Variants in SGCZ observed in about 807,000 individuals in gnomAD.
The protein encoded by SGCZ is zeta-sarcoglycan.
SGCZ carries 40 observed loss-of-function variants against 41.3 expected under a neutral mutation model. That is an observed-to-expected ratio of 0.97 (90% confidence interval 0.75 to 1.26). SGCZ has a LOEUF of 1.26. SGCZ is among the 50% of genes most tolerant of loss of function. SGCZ has a pLI of 0.00. For missense variants in SGCZ, 552 were observed against 369.8 expected (o/e 1.49, Z -4.04); for synonymous variants, 206 against 137.5 (o/e 1.50, Z -3.49).
At chr8:14,452,457 T>G (rs1800622383) in intron 2 of SGCZ, among the ~76,000 whole-genome samples, 1 of 152,022 alleles carries the variant, frequency 6.6e-6, no homozygotes, top group South Asian at 2.1e-4. Flanking sequence ...AACTCCAGCC[T>G]GGGTGACAGA....
At chr8:15,199,373 C>G (rs1173470705) in intron 1 of SGCZ, among the ~76,000 whole-genome samples, 2 of 152,094 alleles carry the variant, frequency 1.3e-5, no homozygotes, top group Non-Finnish European at 2.9e-5. Context: ...AATTTAATCC[C>G]CCATTAAATA....
At chr8:14,865,637 C>T (rs1383835035) in intron 1 of SGCZ, among the ~76,000 whole-genome samples, 1 of 152,110 alleles carries the variant, frequency 6.6e-6, no homozygotes, top group Non-Finnish European at 1.5e-5. Context: ...GATGTGCGCT[C>T]ACTTCAATTA....
intron 1 of SGCZ, among the ~76,000 whole-genome samples, chr8:14,623,580 A>C (rs567516462): frequency 1.3e-5 from 2 of 152,284 alleles, no homozygotes; most frequent in African/African-American, 4.8e-5. Flanking sequence ...TCTATTATTA[A>C]TCTTTCCTTT....
At chr8:14,797,610 C>G (rs1482046875) in intron 1 of SGCZ, among the ~76,000 whole-genome samples, 1 of 152,236 alleles carries the variant, frequency 6.6e-6, no homozygotes, top group Non-Finnish European at 1.5e-5. Flanking sequence ...TTCAAACCTA[C>G]TGCAGAAATT....
intron 1 of SGCZ, among the ~76,000 whole-genome samples, chr8:15,156,057 C>CAAAAAAAAAAAAA (rs67378130): frequency 5.4e-5 from 6 of 110,902 alleles, no homozygotes; most frequent in African/African-American, 1.9e-4. Context: ...GATTCCCTCT[C>CAAAAAAAAAAAAA]AAAAAAAAAA....
chr8:14,283,370 C>T lies in SGCZ; in HGVS notation c.336+40733G>A, dbSNP rs919612728. 5.3e-5 allele frequency among the ~76,000 whole-genome samples: 8 copies of T among 152,270 alleles called. No homozygotes were observed. In the East Asian group the frequency reaches 1.2e-3, roughly 22 times the overall value. ...GCAACTTTCTCAGCATATTACTACA[C>T]GTCCTCTGTAAGAGAATGCAAGAGA... is the stretch of plus-strand genomic sequence containing the variant. On this transcript the variant is annotated intron_variant, in intron 3 of 7. Coordinates refer to ENST00000382080, the MANE Select transcript of SGCZ (RefSeq NM_139167.4).
chr8:14,762,611 C>A (rs564491255), intron 1 of SGCZ, among the ~76,000 whole-genome samples: 1 of 152,114 alleles, frequency 6.6e-6, no homozygotes, highest in Admixed American at 6.6e-5. Context: ...AGCTCTTGGT[C>A]TCATCATAAA....
rs1432955029 is a variant in SGCZ, at chr8:14,548,471, G to A, written c.234+6261C>T. Among the ~76,000 whole-genome samples, 5 of 152,204 alleles carry A rather than the reference G, an allele frequency of 3.3e-5. No individual in the cohort carries two copies. The South Asian group carries it at 8.3e-4, about 25-fold the overall frequency. Reference sequence around the variant, plus strand: ...TGCATATAAAAAACATCCTGATTTAGTTGTGGGTTTTTGAGAAAAATGAAT... The same window carrying A: ...TGCATATAAAAAACATCCTGATTTAATTGTGGGTTTTTGAGAAAAATGAAT... On this transcript the variant is annotated intron_variant, in intron 2 of 7. Transcript: ENST00000382080.
At chr8:14,126,488 C>CAAAAG (rs1802864843) in intron 5 of SGCZ, among the ~76,000 whole-genome samples, 3 of 151,134 alleles carry the variant, frequency 2.0e-5, no homozygotes, top group Admixed American at 1.3e-4. Flanking sequence ...CAAAACAAAA[C>CAAAAG]AAGATGCTAG....
chr8:14,432,756 A>G (rs62499690), intron 2 of SGCZ, among the ~76,000 whole-genome samples: 30,289 of 151,910 alleles, frequency 0.2, 3,709 homozygotes, highest in Non-Finnish European at 0.28. Flanking sequence ...TCTGCTAAAA[A>G]TACAAAAATT....
chr8:14,919,752 T>C (rs1799537110), intron 1 of SGCZ, among the ~76,000 whole-genome samples: 1 of 152,048 alleles, frequency 6.6e-6, no homozygotes, highest in Admixed American at 6.6e-5. Context: ...ACCCCATCTC[T>C]GCTAAAAATA....
rs150026567 is a variant in SGCZ at position 14,429,681 on chromosome 8, C to T, written c.235-105477G>A. The stretch of plus-strand genomic sequence containing the variant: ...AGTCGGCTCTAAAATCAATGACTAG[C>T]GTGGCTAATCGTCCTTAGAAGAAGA... On this transcript the variant is annotated intron_variant, in intron 2 of 7. Coordinates refer to ENST00000382080, the MANE Select transcript of SGCZ (RefSeq NM_139167.4). Among the ~76,000 whole-genome samples the T allele has an allele frequency of 4.9e-3, 745 of 152,180 alleles. 19 individuals carry two copies. The highest frequency in any genetic ancestry group is 2.4e-3 in the Non-Finnish European group (162 of 68,006).
At chr8:14,413,842 G>T (rs924337954) in intron 2 of SGCZ, among the ~76,000 whole-genome samples, 7 of 151,934 alleles carry the variant, frequency 4.6e-5, no homozygotes, top group Non-Finnish European at 8.8e-5. Flanking sequence ...AATCCTAGGA[G>T]AACAGAATCT....
chr8:14,606,103 T>C (rs1020533515), intron 1 of SGCZ, among the ~76,000 whole-genome samples: 4 of 152,092 alleles, frequency 2.6e-5, no homozygotes, highest in African/African-American at 9.7e-5. Flanking sequence ...TTCTCCAACT[T>C]TTCTATTACC....
intron 1 of SGCZ, among the ~76,000 whole-genome samples, chr8:14,717,491 G>A (rs1320550437): frequency 1.3e-5 from 2 of 152,094 alleles, no homozygotes; most frequent in Non-Finnish European, 2.9e-5. Flanking sequence ...AGAACAGTCT[G>A]GAAGGTACTG....
At chr8:14,648,479 C>T (rs1267787417) in intron 1 of SGCZ, among the ~76,000 whole-genome samples, 1 of 151,898 alleles carries the variant, frequency 6.6e-6, no homozygotes, top group Non-Finnish European at 1.5e-5. Context: ...ATGTTTAGTA[C>T]ATTGTGACAT....
At chr8:15,183,637 T>C (rs1486888929) in intron 1 of SGCZ, among the ~76,000 whole-genome samples, 1 of 152,222 alleles carries the variant, frequency 6.6e-6, no homozygotes, top group Non-Finnish European at 1.5e-5. Context: ...TGACATATTC[T>C]TTATGTTGCC....
At chr8:14,177,176 G>C (rs964346568) in intron 4 of SGCZ, among the ~76,000 whole-genome samples, 7 of 152,136 alleles carry the variant, frequency 4.6e-5, no homozygotes, top group Admixed American at 3.9e-4. Flanking sequence ...TGCCAGATGA[G>C]TATGGGGACA....
chr8:14,663,667 T>C (rs11203653), intron 1 of SGCZ, among the ~76,000 whole-genome samples: 51,761 of 152,082 alleles, frequency 0.34, 11,340 homozygotes, highest in African/African-American at 0.63. Flanking sequence ...TACTTTTATT[T>C]TTTTCACAGG....
Sources: allele counts gnomAD v4.1 joint callset (sites outside exome capture counted in the v4.1 genomes callset), GRCh38; gene constraint gnomAD v4.1.1; transcripts MANE v1.5; gene names NCBI Gene and HGNC (gene_info 2026-07-23, HGNC 2026-07-21).